Variants in FUT2 observed in about 807,000 individuals in gnomAD.
FUT2 encodes the protein galactoside alpha-(1,2)-fucosyltransferase 2.
For missense variants in FUT2, 419 were observed against 465.8 expected (o/e 0.90, Z 0.93); for synonymous variants, 182 against 193.1 (o/e 0.94, Z 0.48).
rs1487920708 is a variant in FUT2, at chr19:48,704,531, T to C, written c.*543T>C. 2.4e-6 allele frequency: 1 copy of C among 417,590 alleles called. No homozygotes were observed. The highest frequency in any genetic ancestry group is 4.4e-6 in the Non-Finnish European group (1 of 228,212). The allele number at this position is 417,590 out of a possible 1,614,324, so 25.9% of individuals were successfully genotyped here. A position where few individuals can be genotyped will look rare whatever the true frequency, so the allele number is the denominator to read the frequency against. On this transcript the variant is annotated 3_prime_UTR_variant, in exon 2 of 2. Transcript: ENST00000425340. ...GGCCCAGGTCCAGGGTCAGTTAATT[T>C]AGCGGCTCCACAAAGTCATCAGTCA...
intron 1 of FUT2, among the ~76,000 whole-genome samples, chr19:48,697,234 AC>A (rs1295308772): frequency 6.6e-6 from 1 of 150,914 alleles, no homozygotes; most frequent in African/African-American, 2.4e-5. Context: ...AATCCCAGCT[AC>A]TCGGGAGGCT....
chr19:48,699,546 C>T (rs1199153075), intron 1 of FUT2, among the ~76,000 whole-genome samples: 1 of 151,990 alleles, frequency 6.6e-6, no homozygotes, highest in African/African-American at 2.4e-5. Flanking sequence ...TGACCACTAT[C>T]AATACTCCCA....
At chr19:48,701,114 T>C (rs2032508557) in intron 1 of FUT2, among the ~76,000 whole-genome samples, 2 of 152,020 alleles carry the variant, frequency 1.3e-5, no homozygotes, top group South Asian at 4.2e-4. Context: ...TCCTTGGCAT[T>C]GTGTCCACCC....
intron 1 of FUT2, among the ~76,000 whole-genome samples, chr19:48,700,152 C>CAAAAAAAAA (rs923397801): frequency 2.2e-5 from 1 of 45,296 alleles, no homozygotes. Flanking sequence ...GACTCCATCT[C>CAAAAAAAAA]AAAAAAAAAA....
chr19:48,698,569 G>A (rs2032455445), intron 1 of FUT2, among the ~76,000 whole-genome samples: 1 of 151,950 alleles, frequency 6.6e-6, no homozygotes, highest in Non-Finnish European at 1.5e-5. Context: ...AGCCTCCTGA[G>A]TAGCTGTGAT....
chr19:48,701,708 T>C (rs1015193932), intron 1 of FUT2, among the ~76,000 whole-genome samples: 13 of 151,638 alleles, frequency 8.6e-5, no homozygotes, highest in African/African-American at 2.7e-4. Flanking sequence ...AAGATGAACA[T>C]CTTGGGCCGG....
At position 48,703,096 on chromosome 19, in the gene FUT2, T is replaced by TGCTA. The variant is rs772344959; in HGVS notation, c.143_146dup (p.Thr51LeufsTer195). 2.5e-6 allele frequency: 4 copies of TGCTA among 1,613,388 alleles called. No homozygotes were observed. Among genetic ancestry groups the TGCTA allele is most frequent in the Non-Finnish European group, 3.4e-6 (4 of 1,180,014 alleles). On this transcript the variant is annotated frameshift_variant, in exon 2 of 2. Coordinates refer to ENST00000425340, the MANE Select transcript of FUT2 (RefSeq NM_000511.6). LOFTEE classifies it low-confidence loss of function (END_TRUNC). ...TGGGAGTTACCGGTGCAGATACCAG[T>TGCTA]GCTAGCCTCAACATCAAAGGCACTG...
intron 1 of FUT2, among the ~76,000 whole-genome samples, chr19:48,700,206 C>CCATAAT (rs2032487139): frequency 6.7e-6 from 1 of 149,532 alleles, no homozygotes; most frequent in Non-Finnish European, 1.5e-5. Context: ...GGTTCAAAGA[C>CCATAAT]CATAATCATA....
rs778112375 is a variant in FUT2, at chr19:48,703,622, C to G, written c.666C>G (p.Tyr222Ter). 2 of 1,613,256 alleles carry G rather than the reference C, an allele frequency of 1.2e-6. No individual in the cohort carries two copies. Among genetic ancestry groups the G allele is most frequent in the Admixed American group, 3.3e-5 (2 of 59,980 alleles). The change falls in exon 2 of 2, where the codon TAC (tyrosine) becomes TAG (stop). Residue 222 changes from tyrosine (Y) to a stop codon, truncating the protein, a stop_gained. Coordinates refer to ENST00000425340, the MANE Select transcript of FUT2 (RefSeq NM_000511.6). LOFTEE classifies it low-confidence loss of function (END_TRUNC). ...VWKGVVADRR[Y>*]LQQALDWFRA... ...AGGGGGTGGTGGCCGACCGGCGATA[C>G]CTACAGCAGGCCCTGGACTGGTTCC...
intron 1 of FUT2, among the ~76,000 whole-genome samples, chr19:48,700,337 T>A (rs1466178791): frequency 1.3e-5 from 2 of 150,080 alleles, no homozygotes; most frequent in Admixed American, 6.6e-5. Context: ...TATTTTATTT[T>A]TTTTTTTGAG....
Position 48,703,693 on chromosome 19 carries a change from T to A in FUT2, c.737T>A (p.Met246Lys). Residue 246 changes from methionine (M) to lysine (K), a missense_variant, in exon 2 of 2, where the codon ATG (methionine) becomes AAG (lysine). By Grantham distance (95) the Met-to-Lys change is moderately conservative. Coordinates refer to ENST00000425340, the MANE Select transcript of FUT2 (RefSeq NM_000511.6). Reference sequence around the variant, plus strand: ...ATCTTCGTGGTCACCAGTAATGGCATGGCCTGGTGTCGGGAGAACATTGAC... The same window carrying A: ...ATCTTCGTGGTCACCAGTAATGGCAAGGCCTGGTGTCGGGAGAACATTGAC... ...SLIFVVTSNG[M>K]AWCRENIDTS... 1 of 1,613,682 alleles carries A rather than the reference T, an allele frequency of 6.2e-7. No homozygotes were observed. The highest frequency in any genetic ancestry group is 8.5e-7 in the Non-Finnish European group (1 of 1,180,032).
Position 48,703,940 on chromosome 19 carries a change from G to A in FUT2, c.984G>A (p.Pro328=), listed in dbSNP as rs373270748. The A allele has an allele frequency of 3.0e-5, 49 of 1,613,464 alleles. No individual in the cohort carries two copies. Among genetic ancestry groups the A allele is most frequent in the East Asian group, 2.2e-4 (10 of 44,876 alleles). ...TTAAGCCAGAGGCAGCCTTCCTGCC[G>A]GAGTGGACAGGGATTGCCGCAGACC... ...KIFKPEAAFL[P]EWTGIAADLS... is the part of the protein sequence containing the mutation. The change falls in exon 2 of 2, where the codon CCG becomes CCA. Residue 328 remains proline (P), a synonymous_variant. Coordinates refer to ENST00000425340, the MANE Select transcript of FUT2 (RefSeq NM_000511.6).
At chr19:48,700,450 C>A (rs1217883382) in intron 1 of FUT2, among the ~76,000 whole-genome samples, 2 of 151,894 alleles carry the variant, frequency 1.3e-5, no homozygotes, top group African/African-American at 4.8e-5. Context: ...CCTCAACCTC[C>A]TGAGTAGCTG....
Position 48,704,189 on chromosome 19 carries a change from G to C in FUT2, c.*201G>C. 1.6e-6 allele frequency: 1 copy of C among 636,472 alleles called. No homozygotes were observed. The highest frequency in any genetic ancestry group is 2.9e-6 in the Non-Finnish European group (1 of 344,838). The allele number at this position is 636,472 out of a possible 1,614,324, so 39.4% of individuals were successfully genotyped here. Reference sequence around the variant, plus strand: ...GTAATGCTCGCACTTTGTGAGGCCAGGGTGGGTGGATCACTTGAGGTCAGG... The same window carrying C: ...GTAATGCTCGCACTTTGTGAGGCCACGGTGGGTGGATCACTTGAGGTCAGG... On this transcript the variant is annotated 3_prime_UTR_variant, in exon 2 of 2. Transcript: ENST00000425340.
At position 48,703,487 on chromosome 19, in the gene FUT2, G is replaced by A. The variant is rs2032566840; in HGVS notation, c.531G>A (p.Glu177=). 6.2e-7 allele frequency: 1 copy of A among 1,613,054 alleles called. No individual in the cohort carries two copies. Among genetic ancestry groups the A allele is most frequent in the Non-Finnish European group, 8.5e-7 (1 of 1,180,034 alleles). The change falls in exon 2 of 2, where the codon GAG becomes GAA. Residue 177 remains glutamate (E), a synonymous_variant. Coordinates refer to ENST00000425340, the MANE Select transcript of FUT2 (RefSeq NM_000511.6). ...CCCTGCACGACCACGTGCGGGAGGA[G>A]GCCCAGAAGTTCCTGCGGGGCCTGC... The part of the protein sequence containing the change: ...EFTLHDHVRE[E]AQKFLRGLQV...
intron 1 of FUT2, 137 bp from the exon 2 acceptor site, chr19:48,702,818 G>A: frequency 2.4e-6 from 2 of 831,512 alleles, no homozygotes; most frequent in Middle Eastern, 2.8e-4. Context: ...AGGCAAGTAT[G>A]TGCCAAGTAT....
In FUT2 at chr19:48,703,765, C is replaced by T. The variant is rs1275795211; in HGVS notation, c.809C>T (p.Ser270Leu). The change falls in exon 2 of 2, where the codon TCA (serine) becomes TTA (leucine). Residue 270 changes from serine to leucine, a missense_variant. Coordinates refer to ENST00000425340, the MANE Select transcript of FUT2 (RefSeq NM_000511.6). ...VVFAGDGIEG[S>L]PAKDFALLTQ... Reference sequence around the variant, plus strand: ...TTTGCTGGCGATGGCATTGAGGGCTCACCTGCCAAAGATTTTGCTCTACTC... The same window carrying T: ...TTTGCTGGCGATGGCATTGAGGGCTTACCTGCCAAAGATTTTGCTCTACTC... 3.7e-6 allele frequency: 6 copies of T among 1,613,384 alleles called. No individual in the cohort carries two copies. The highest frequency in any genetic ancestry group is 1.3e-5 in the African/African-American group (1 of 74,832).
Position 48,704,819 on chromosome 19 carries a change from T to C in FUT2, c.*831T>C, listed in dbSNP as rs997683645. The C allele has an allele frequency of 2.4e-6, 1 of 413,378 alleles. No homozygotes were observed. The allele number at this position is 413,378 out of a possible 1,614,324, so 25.6% of individuals were successfully genotyped here. On this transcript the variant is annotated 3_prime_UTR_variant, in exon 2 of 2. Coordinates refer to ENST00000425340, the MANE Select transcript of FUT2 (RefSeq NM_000511.6). ...CGATAGGAGGCAAAAGAAATGAGAC[T>C]TCTGGGATTAGTTTAGCCTCAGATT... is the stretch of plus-strand genomic sequence containing the variant.
intron 1 of FUT2, among the ~76,000 whole-genome samples, chr19:48,698,786 G>A (rs897957965): frequency 1.3e-5 from 2 of 151,886 alleles, no homozygotes; most frequent in African/African-American, 4.8e-5. Context: ...ATGTGGTCCA[G>A]GCTGATCTCG....
Sources: allele counts gnomAD v4.1 joint callset (sites outside exome capture counted in the v4.1 genomes callset), GRCh38; gene constraint gnomAD v4.1.1; transcripts MANE v1.5; gene names NCBI Gene and HGNC (gene_info 2026-07-23, HGNC 2026-07-21).